The following NKAIN4 variants were observed in gnomAD, a reference collection of about 807,000 sequenced individuals.
NKAIN4 encodes sodium/potassium-transporting ATPase subunit beta-1-interacting protein 4.
Under a neutral mutation model 28.8 loss-of-function variants are expected in NKAIN4, and 28 were observed. The ratio of observed to expected loss-of-function variants is 0.97; its 90% CI spans 0.72 to 1.33. The LOEUF (loss-of-function observed/expected upper bound fraction) is 1.33, where lower values mean the gene tolerates loss of function less well. NKAIN4 is among the 40% of genes most tolerant of loss of function. The pLI is 0.00. For synonymous variants in NKAIN4, 122 were observed against 115.6 expected (o/e 1.06, Z -0.36); for missense variants, 289 against 277.2 (o/e 1.04, Z -0.30).
At chr20:63,246,967 C>CCGTGCAGGGCCGGAGAGGA in intron 4 of NKAIN4, 1 of 990,524 alleles carries the variant, frequency 1.0e-6, no homozygotes, top group African/African-American at 1.7e-5. Context: ...CTCTACCAAC[C>CCGTGCAGGGCCGGAGAGGA]CGTGCAGGGC....
chr20:63,248,723 C>T (rs749678776), intron 3 of NKAIN4, 92 bp downstream of exon 3: 121 of 815,228 alleles, frequency 1.5e-4, no homozygotes, highest in Admixed American at 2.7e-4. Flanking sequence ...CTGCCTCAGA[C>T]GACAGATGAA....
At chr20:63,243,742 G>C in intron 5 of NKAIN4, 1 of 312,976 alleles carries the variant, frequency 3.2e-6, no homozygotes, top group East Asian at 5.8e-5. Context: ...TCCTCCCGTG[G>C]CCACTGCGGG....
At chr20:63,244,122 G>C (rs1047666693) in intron 4 of NKAIN4, 38 bp from the exon 5 acceptor site, 1 of 1,590,218 alleles carries the variant, frequency 6.3e-7, no homozygotes, top group African/African-American at 1.3e-5. Flanking sequence ...AGTGCGGCCA[G>C]GCGAGCCTGT....
chr20:63,254,484 C>T (rs907116136), upstream of NKAIN4: 116 of 1,287,448 alleles, frequency 9.0e-5, no homozygotes, highest in Non-Finnish European at 1.1e-4. Flanking sequence ...CCCGGGTGCC[C>T]CGCGCTCGGC....
intron 2 of NKAIN4, among the ~76,000 whole-genome samples, 180 bp downstream of exon 2, chr20:63,249,755 C>T (rs62207450): frequency 3.6e-3 from 546 of 152,258 alleles, no homozygotes; most frequent in Admixed American, 5.5e-3. Context: ...AAAGCCCCTC[C>T]GTCCGAACCA....
chr20:63,253,611 G>T, intron 1 of NKAIN4: 2 of 733,276 alleles, frequency 2.7e-6, no homozygotes, highest in Non-Finnish European at 3.3e-6. Flanking sequence ...AGCTTCCCCA[G>T]CCTGGACAGG....
chr20:63,244,003 C>CT, intron 5 of NKAIN4, 21 bp downstream of exon 5: 1 of 1,607,380 alleles, frequency 6.2e-7, no homozygotes, highest in Non-Finnish European at 8.5e-7. Context: ...GCCCCACTGC[C>CT]TGCAGAGGCC....
intron 1 of NKAIN4, among the ~76,000 whole-genome samples, chr20:63,251,309 T>C (rs143943533): frequency 0.063 from 9,629 of 152,274 alleles, 392 homozygotes; most frequent in Middle Eastern, 0.13. Context: ...GCGTGACCAC[T>C]GAAGCACAGC....
chr20:63,242,740 G>A, intron 5 of NKAIN4, 117 bp from the exon 6 acceptor site: 1 of 445,898 alleles, frequency 2.2e-6, no homozygotes, highest in Admixed American at 2.8e-5. Context: ...CACAGACAGT[G>A]CCCAAAGCCC....
Position 63,247,916 on chromosome 20 carries a change from G to A in NKAIN4, c.274-141C>T, listed in dbSNP as rs570967953. 1.3e-3 allele frequency: 1,562 copies of A among 1,209,016 alleles called. 8 individuals are homozygous for A. Among genetic ancestry groups the A allele is most frequent in the South Asian group, 7.0e-3 (258 of 36,788 alleles). 74.9% of individuals were successfully genotyped at this position (1,209,016 alleles called of 1,614,324 possible). ...CTCCCCTGTCCTCCCACTGCACCCCGCCCCCAGGGCTCCAGCCATGGTGGG... is the reference window on the plus strand; with the variant it reads ...CTCCCCTGTCCTCCCACTGCACCCCACCCCCAGGGCTCCAGCCATGGTGGG... On this transcript the variant is annotated intron_variant, in intron 3 of 6. Transcript: ENST00000370316.
chr20:63,254,114 C>T, intron 1 of NKAIN4: 1 of 446,288 alleles, frequency 2.2e-6, no homozygotes, highest in East Asian at 5.5e-5. Flanking sequence ...TCCGTCCGGC[C>T]AGCCCATCCA....
chr20:63,244,320 G>A, intron 4 of NKAIN4: 1 of 582,074 alleles, frequency 1.7e-6, no homozygotes, highest in Non-Finnish European at 3.2e-6. Context: ...TGGGTAGGGG[G>A]CAGGTGGGTG....
At chr20:63,249,793 G>A (rs2066923619) in intron 2 of NKAIN4, 142 bp downstream of exon 2, 2 of 811,136 alleles carry the variant, frequency 2.5e-6, no homozygotes, top group Non-Finnish European at 3.8e-6. Context: ...GCAGCAAAGA[G>A]GTCTGAACCC....
At chr20:63,250,124 C>T in intron 1 of NKAIN4, 52 bp from the exon 2 acceptor site, 1 of 1,516,138 alleles carries the variant, frequency 6.6e-7, no homozygotes, top group Non-Finnish European at 8.8e-7. Flanking sequence ...GGCCCCAGGC[C>T]CGCCAGCCAG....
chr20:63,247,807 A>G, intron 3 of NKAIN4, 32 bp from the exon 4 acceptor site: 2 of 1,423,836 alleles, frequency 1.4e-6, no homozygotes, highest in Non-Finnish European at 1.8e-6. Context: ...AGGGCCGGTT[A>G]GCACCAGGAG....
In NKAIN4 at chr20:63,247,623, G is replaced by C; in HGVS notation, c.426C>G (p.Pro142=). 1 of 1,547,664 alleles carries C rather than the reference G, an allele frequency of 6.5e-7. No individual in the cohort carries two copies. The highest frequency in any genetic ancestry group is 8.7e-7 in the Non-Finnish European group (1 of 1,145,472). The change falls in exon 4 of 7, where the codon CCC becomes CCG. Residue 142 remains proline (P), a synonymous_variant. Coordinates refer to ENST00000370316, the MANE Select transcript of NKAIN4 (RefSeq NM_152864.4). ...LVSGAGCALE[P]SYVEALHSCL... is the part of the protein sequence containing the mutation. ...AACTGTGTAGGGCCTCCACATAGCT[G>C]GGCTCCAGGGCACAGCCAGCACCTG...
Position 63,245,787 on chromosome 20 carries a change from G to C in NKAIN4, c.472-1703C>G, listed in dbSNP as rs1487913545. ...AATTTAGAAACTACATCCTATCAAA[G>C]AAATTCCCATCCCTGGGAGTCAGGA... On this transcript the variant is annotated intron_variant, in intron 4 of 6. Coordinates refer to ENST00000370316, the MANE Select transcript of NKAIN4 (RefSeq NM_152864.4). The surrounding 1 kb of genome is among the most constrained non-coding windows in gnomAD (Gnocchi z 4.7). 6.6e-6 allele frequency among the ~76,000 whole-genome samples: 1 copy of C among 152,076 alleles called. No individual in the cohort carries two copies. Among genetic ancestry groups the C allele is most frequent in the Non-Finnish European group, 1.5e-5 (1 of 68,020 alleles).
chr20:63,243,297 G>T (rs778701272), intron 5 of NKAIN4, among the ~76,000 whole-genome samples: 5 of 152,108 alleles, frequency 3.3e-5, no homozygotes, highest in Non-Finnish European at 7.4e-5. Flanking sequence ...CTGGAATCAG[G>T]CCTGGTCTGA....
At chr20:63,244,297 C>G (rs2236189) in intron 4 of NKAIN4, among the ~76,000 whole-genome samples, 75,831 of 152,050 alleles carry the variant, frequency 0.5, 19,510 homozygotes, top group East Asian at 0.85. Flanking sequence ...CCTTCCACCC[C>G]ACCCCACTCA....
Sources: gnomAD v4.1 joint callset for allele counts (sites outside exome capture counted in the v4.1 genomes callset) on GRCh38, gnomAD v4.1.1 for gene constraint, Gnocchi (gnomAD v3.1) non-coding constraint, MANE v1.5 for transcripts, NCBI Gene and HGNC (gene_info 2026-07-23, HGNC 2026-07-21) for gene names.